CDC73: variants seen among roughly 807,000 people sequenced by gnomAD.
The protein encoded by CDC73 is cell division cycle 73, also known as parafibromin.
Under a neutral mutation model 83.7 loss-of-function variants are expected in CDC73, and 21 were observed. That is an observed-to-expected ratio of 0.25 (90% CI 0.18 to 0.36). CDC73 has a LOEUF of 0.36. Among genes scored for constraint, CDC73 ranks in the 10% least tolerant of loss-of-function variants. CDC73 has a pLI of 1.00. For missense variants in CDC73, 342 were observed against 653.3 expected, an observed-to-expected ratio of 0.52 and a Z score of 5.19; for synonymous variants, 224 against 212.9, an observed-to-expected ratio of 1.05 and a Z score of -0.45.
At chr1:193,148,337 A>G (rs182116751) in intron 8 of CDC73, among the ~76,000 whole-genome samples, 2 of 152,174 alleles carry the variant, frequency 1.3e-5, no homozygotes, top group East Asian at 1.9e-4. Context: ...TTGGCATTGT[A>G]TCTATTACAT....
At chr1:193,221,395 T>A (rs1323838066) in intron 13 of CDC73, among the ~76,000 whole-genome samples, 1 of 152,144 alleles carries the variant, frequency 6.6e-6, no homozygotes, top group Non-Finnish European at 1.5e-5. Flanking sequence ...TTTTTTTGTT[T>A]TTTGTTTTTT....
chr1:193,134,100 T>C (rs1222089180), intron 3 of CDC73, among the ~76,000 whole-genome samples: 3 of 152,176 alleles, frequency 2.0e-5, no homozygotes, highest in Non-Finnish European at 2.9e-5. Flanking sequence ...TCTGGAACTT[T>C]ATCCTAGAGG....
chr1:193,153,013 C>A (rs111852253), intron 10 of CDC73, among the ~76,000 whole-genome samples: 7 of 152,168 alleles, frequency 4.6e-5, no homozygotes, highest in Non-Finnish European at 1.0e-4. Flanking sequence ...TCGTGATCGC[C>A]CGCCTCAGCC....
intron 7 of CDC73, among the ~76,000 whole-genome samples, chr1:193,144,964 TTTCTAA>T (rs1675971267): frequency 6.6e-6 from 1 of 152,178 alleles, no homozygotes; most frequent in Non-Finnish European, 1.5e-5. Flanking sequence ...CCATAACACT[TTTCTAA>T]TTCTTTTTCC....
At position 193,214,496 on chromosome 1, in the gene CDC73, T is replaced by A. The variant is rs144818406; in HGVS notation, c.1154+2019T>A. Among the ~76,000 whole-genome samples, 144 of 152,246 alleles carry A rather than the reference T, an allele frequency of 9.5e-4. 3 individuals carry two copies. In the East Asian group the frequency reaches 0.025, roughly 27 times the overall value. Reference sequence around the variant, plus strand: ...ACTTTGGGAGGCCGAGGTGGGTGGATCATGAGGTCAGGAGATCAAGACCAT... The same window carrying A: ...ACTTTGGGAGGCCGAGGTGGGTGGAACATGAGGTCAGGAGATCAAGACCAT... On this transcript the variant is annotated intron_variant, in intron 13 of 16. Coordinates refer to ENST00000367435, the MANE Select transcript of CDC73 (RefSeq NM_024529.5).
intron 10 of CDC73, among the ~76,000 whole-genome samples, chr1:193,194,585 T>C (rs1437861526): frequency 2.0e-5 from 3 of 152,194 alleles, no homozygotes; most frequent in Non-Finnish European, 2.9e-5. Flanking sequence ...GAGAGACTTA[T>C]GACAGAATCA....
intron 11 of CDC73, 62 bp from the exon 12 acceptor site, chr1:193,212,003 A>T: frequency 7.8e-7 from 1 of 1,276,208 alleles, no homozygotes; most frequent in African/African-American, 1.5e-5. Context: ...CTTATTTGTA[A>T]GTTTGAAAAT....
intron 2 of CDC73, among the ~76,000 whole-genome samples, chr1:193,126,763 C>T (rs1245870498): frequency 6.6e-6 from 1 of 152,158 alleles, no homozygotes; most frequent in East Asian, 1.9e-4. Context: ...AAACAATCTT[C>T]TTAAACTTTT....
At position 193,131,890 on chromosome 1, in the gene CDC73, T is replaced by C. The variant is rs1416509574; in HGVS notation, c.307+1647T>C. Among the ~76,000 whole-genome samples the C allele has an allele frequency of 2.6e-5, 4 of 152,206 alleles. No individual in the cohort carries two copies. In the East Asian group the frequency reaches 7.7e-4, roughly 29 times the overall value. On this transcript the variant is annotated intron_variant, in intron 3 of 16. Transcript: ENST00000367435. ...TGGTTTTTATATAGTGCCATCCTGA[T>C]TTATTTTTCACCAGATCTCATACAT...
intron 5 of CDC73, among the ~76,000 whole-genome samples, chr1:193,136,863 C>G (rs1181797876): frequency 6.6e-6 from 1 of 152,126 alleles, no homozygotes; most frequent in African/African-American, 2.4e-5. Flanking sequence ...TCAAGGGATG[C>G]CATTTATTTG....
chr1:193,216,035 C>G (rs933140212), intron 13 of CDC73, among the ~76,000 whole-genome samples: 2 of 152,172 alleles, frequency 1.3e-5, no homozygotes, highest in Non-Finnish European at 2.9e-5. Context: ...CCTAACGTCA[C>G]ACCTGTAAGA....
At chr1:193,142,117 G>GAC in intron 7 of CDC73, 51 bp downstream of exon 7, 1 of 1,367,130 alleles carries the variant, frequency 7.3e-7, no homozygotes, top group Non-Finnish European at 1.0e-6. Flanking sequence ...GAGAGAGAGA[G>GAC]TGCGTTTAAT....
chr1:193,153,562 G>A (rs1033879186), intron 10 of CDC73, among the ~76,000 whole-genome samples: 1 of 151,934 alleles, frequency 6.6e-6, no homozygotes, highest in African/African-American at 2.4e-5. Flanking sequence ...TATCTACGTG[G>A]GCTTTTACGT....
At chr1:193,232,913 A>AT in intron 13 of CDC73, 80 bp from the exon 14 acceptor site, 1 of 1,315,748 alleles carries the variant, frequency 7.6e-7, no homozygotes, top group Non-Finnish European at 1.1e-6. Flanking sequence ...AAAAAAAAAA[A>AT]ATATTTCAAA....
At chr1:193,138,020 T>C in intron 5 of CDC73, 65 bp from the exon 6 acceptor site, 1 of 1,160,340 alleles carries the variant, frequency 8.6e-7, no homozygotes, top group South Asian at 1.2e-5. Context: ...AAGTTACATG[T>C]AGCGTTTTTT....
At position 193,245,410 on chromosome 1, in the gene CDC73, A is replaced by G. The variant is rs557887076; in HGVS notation, c.1418-4320A>G. ...ATGTTTCTGGCTTGTTTCACTTAAC[A>G]TAATGTCCTCCATTTCCATCTATGT... On this transcript the variant is annotated intron_variant, in intron 15 of 16. Transcript: ENST00000367435. Among the ~76,000 whole-genome samples the G allele has an allele frequency of 1.2e-4, 19 of 152,304 alleles. 1 individual carries two copies. In the South Asian group the frequency reaches 3.3e-3, roughly 27 times the overall value.
At chr1:193,210,336 C>T (rs1294001698) in intron 11 of CDC73, among the ~76,000 whole-genome samples, 1 of 152,142 alleles carries the variant, frequency 6.6e-6, no homozygotes, top group African/African-American at 2.4e-5. Context: ...GTGTTATTCA[C>T]TTTAAAGATG....
Position 193,250,665 on chromosome 1 carries a change from AT to A in CDC73, c.1560-4del. The A allele has an allele frequency of 1.9e-6, 3 of 1,596,596 alleles. No individual in the cohort carries two copies. Among genetic ancestry groups the A allele is most frequent in the Non-Finnish European group, 1.7e-6 (2 of 1,165,150 alleles). On this transcript the variant is annotated splice_polypyrimidine_tract_variant and intron_variant, in intron 16 of 16. Transcript: ENST00000367435. ...TATAGTCATTATAACCTACCATAAT[AT>A]TTTTTTCAGGTACATGGTAAAGCAT... is the stretch of plus-strand genomic sequence containing the variant.
At chr1:193,226,590 T>C (rs1244486536) in intron 13 of CDC73, among the ~76,000 whole-genome samples, 1 of 152,224 alleles carries the variant, frequency 6.6e-6, no homozygotes, top group Non-Finnish European at 1.5e-5. Context: ...GTGATTTTTG[T>C]TTTTAATTCT....
Sources: allele counts gnomAD v4.1 joint callset (sites outside exome capture counted in the v4.1 genomes callset), GRCh38; gene constraint gnomAD v4.1.1; transcripts MANE v1.5; gene names NCBI Gene and HGNC (gene_info 2026-07-23, HGNC 2026-07-21).